Variants in VPS37A observed in about 807,000 individuals in gnomAD.
VPS37A encodes the protein VPS37A subunit of ESCRT-I, also known as vacuolar protein sorting-associated protein 37A.
VPS37A carries 30 observed loss-of-function variants against 49.8 expected under a neutral mutation model. That is an observed-to-expected ratio of 0.60 (90% CI 0.45 to 0.82). VPS37A has a LOEUF of 0.82. Among genes scored for constraint, VPS37A ranks in the 40% least tolerant of loss-of-function variants. The probability of loss-of-function intolerance (pLI) is 0.00; values close to 1 mark genes in which losing one functional copy is unlikely to be tolerated. For missense variants in VPS37A, 593 were observed against 464.4 expected (o/e 1.28, Z -2.55); for synonymous variants, 195 against 160.6 (o/e 1.21, Z -1.62).
At chr8:17,259,203 G>C (rs1037416006) in intron 1 of VPS37A, among the ~76,000 whole-genome samples, 15 of 151,946 alleles carry the variant, frequency 9.9e-5, no homozygotes, top group Non-Finnish European at 1.9e-4. Context: ...TTTTGATACA[G>C]TCATTTATTG....
At chr8:17,250,932 A>G (rs190955895) in intron 1 of VPS37A, among the ~76,000 whole-genome samples, 1 of 152,316 alleles carries the variant, frequency 6.6e-6, no homozygotes, top group East Asian at 1.9e-4. Flanking sequence ...CCTGGGCTCA[A>G]GTAATATGTT....
rs1437167645 is a variant in VPS37A, at chr8:17,274,591, A to G, written c.417-142A>G. On this transcript the variant is annotated intron_variant, in intron 4 of 11. Coordinates refer to ENST00000324849, the MANE Select transcript of VPS37A (RefSeq NM_152415.3). ...ACTTTATATAATATTTAATTCCATT[A>G]TATAATTTAATAAATATCACCTGCC... 3 of 561,608 alleles carry G rather than the reference A, an allele frequency of 5.3e-6. No homozygotes were observed. In the Admixed American group the frequency reaches 9.9e-5, roughly 18 times the overall value. 34.8% of individuals were successfully genotyped at this position (561,608 alleles called of 1,614,324 possible). A position where few individuals can be genotyped will look rare whatever the true frequency, so the allele number is the denominator to read the frequency against.
At chr8:17,331,491 G>T in the VPS37A span, among the ~76,000 whole-genome samples, 1 of 152,242 alleles carries the variant, frequency 6.6e-6, no homozygotes, top group Non-Finnish European at 1.5e-5. Flanking sequence ...GAATTTGTCA[G>T]TGTGGGTCAC....
At chr8:17,319,803 C>G in the VPS37A span, among the ~76,000 whole-genome samples, 1 of 152,150 alleles carries the variant, frequency 6.6e-6, no homozygotes, top group African/African-American at 2.4e-5. Flanking sequence ...TGCCTCTCAA[C>G]CTCAGGTTGG....
chr8:17,251,942 C>G (rs150670828), intron 1 of VPS37A, among the ~76,000 whole-genome samples: 35 of 152,224 alleles, frequency 2.3e-4, no homozygotes, highest in African/African-American at 7.9e-4. Flanking sequence ...GACTTTGTCC[C>G]CCTATCTCAT....
chr8:17,301,982 G>C, downstream of VPS37A: 3 of 786,664 alleles, frequency 3.8e-6, no homozygotes, highest in Non-Finnish European at 5.8e-6. Flanking sequence ...AAATGCCTAG[G>C]TTTGGGCTTC....
At chr8:17,308,175 C>A in the VPS37A span, among the ~76,000 whole-genome samples, 163 of 145,478 alleles carry the variant, frequency 1.1e-3, no homozygotes, top group Middle Eastern at 3.4e-3. Flanking sequence ...TACTGCAAAT[C>A]AAAAAAAAAA....
the VPS37A span, among the ~76,000 whole-genome samples, chr8:17,330,419 G>A: frequency 7.9e-4 from 121 of 152,342 alleles, 1 homozygote; most frequent in African/African-American, 2.7e-3. Flanking sequence ...TCGCAGAGCC[G>A]GAAGTGGTAG....
At chr8:17,259,083 A>C (rs971096153) in intron 1 of VPS37A, among the ~76,000 whole-genome samples, 1 of 151,680 alleles carries the variant, frequency 6.6e-6, no homozygotes, top group Non-Finnish European at 1.5e-5. Flanking sequence ...TTTGGTCTCA[A>C]CTTCATTGAT....
chr8:17,303,372 G>C (rs897451008), downstream of VPS37A, among the ~76,000 whole-genome samples: 7 of 152,102 alleles, frequency 4.6e-5, no homozygotes, highest in African/African-American at 1.4e-4. Context: ...AAAACCTTGA[G>C]AAACGAAATC....
chr8:17,301,375 G>A (rs560338726), downstream of VPS37A, among the ~76,000 whole-genome samples: 1 of 152,166 alleles, frequency 6.6e-6, no homozygotes, highest in Non-Finnish European at 1.5e-5. Flanking sequence ...ATTTAAACTT[G>A]GACATTCTGG....
intron 1 of VPS37A, chr8:17,247,819 G>T (rs1339131116): frequency 4.3e-5 from 30 of 699,454 alleles, no homozygotes; most frequent in Non-Finnish European, 5.2e-5. Flanking sequence ...GGAAAGGGAA[G>T]CCAGAGTTTT....
At chr8:17,279,274 A>C (rs1814806689) in intron 6 of VPS37A, among the ~76,000 whole-genome samples, 2 of 152,120 alleles carry the variant, frequency 1.3e-5, no homozygotes, top group African/African-American at 4.8e-5. Flanking sequence ...ATTTTGGCCA[A>C]CACATCCTTG....
At chr8:17,287,753 G>T (rs977360810) in intron 11 of VPS37A, among the ~76,000 whole-genome samples, 3 of 152,052 alleles carry the variant, frequency 2.0e-5, no homozygotes, top group Non-Finnish European at 4.4e-5. Context: ...TCAGACAGCC[G>T]ATGGAGATAA....
intron 5 of VPS37A, among the ~76,000 whole-genome samples, chr8:17,276,103 C>G (rs1028929025): frequency 1.3e-5 from 2 of 151,904 alleles, no homozygotes; most frequent in Admixed American, 6.6e-5. Context: ...TTCATATATA[C>G]CAATGAAATC....
At position 17,274,765 on chromosome 8, in the gene VPS37A, A is replaced by G. The variant is rs748354857; in HGVS notation, c.449A>G (p.Tyr150Cys). 6.2e-7 allele frequency: 1 copy of G among 1,614,058 alleles called. No homozygotes were observed. Among genetic ancestry groups the G allele is most frequent in the Non-Finnish European group, 8.5e-7 (1 of 1,179,984 alleles). ...AGTAACCCAAGTGGGATGTCTCCTT[A>G]TGCTTCTCAGGGTTTTCCATTTCTT... The part of the protein sequence containing the change: ...LYSNPSGMSP[Y>C]ASQGFPFLPP... Residue 150 changes from tyrosine (Y) to cysteine (C), a missense_variant, in exon 5 of 12, where the codon TAT becomes TGT. Tyr to Cys is a radical substitution (Grantham distance 194). Transcript: ENST00000324849.
At chr8:17,267,826 C>T (rs770077642) in intron 2 of VPS37A, among the ~76,000 whole-genome samples, 33 of 152,182 alleles carry the variant, frequency 2.2e-4, no homozygotes, top group Non-Finnish European at 4.0e-4. Context: ...CATGCCCAGC[C>T]GTGACAGCAT....
At chr8:17,283,743 G>A (rs1200548772) in intron 9 of VPS37A, among the ~76,000 whole-genome samples, 1 of 152,058 alleles carries the variant, frequency 6.6e-6, no homozygotes, top group African/African-American at 2.4e-5. Context: ...TTTGATTACT[G>A]TAACTTTGTT....
chr8:17,319,596 C>T, the VPS37A span, among the ~76,000 whole-genome samples: 1 of 152,118 alleles, frequency 6.6e-6, no homozygotes, highest in African/African-American at 2.4e-5. Flanking sequence ...TACCAGGTAC[C>T]AGACACTATG....
Sources: gnomAD v4.1 joint callset for allele counts (sites outside exome capture counted in the v4.1 genomes callset) on GRCh38, gnomAD v4.1.1 for gene constraint, MANE v1.5 for transcripts, NCBI Gene and HGNC (gene_info 2026-07-23, HGNC 2026-07-21) for gene names.